The following PPP2R3A variants were observed in gnomAD, a reference collection of about 807,000 sequenced individuals.
PPP2R3A encodes serine/threonine-protein phosphatase 2A regulatory subunit B'' subunit alpha.
In PPP2R3A, 80 loss-of-function variants were observed where a neutral mutation model predicts 106.9. The ratio of observed to expected loss-of-function variants is 0.75; its 90% confidence interval spans 0.62 to 0.90. The LOEUF is 0.90. PPP2R3A is among the 40% of genes least tolerant of loss of function. PPP2R3A has a pLI of 0.00. For missense variants in PPP2R3A, 1,386 were observed against 1,350.4 expected (o/e 1.03, Z -0.41); for synonymous variants, 483 against 468.3 (o/e 1.03, Z -0.41).
intron 1 of PPP2R3A, among the ~76,000 whole-genome samples, chr3:136,000,211 T>C (rs1489722698): frequency 2.0e-5 from 3 of 152,170 alleles, no homozygotes; most frequent in Non-Finnish European, 4.4e-5. Flanking sequence ...CATGCCACCA[T>C]ATGATAAGTT....
intron 1 of PPP2R3A, among the ~76,000 whole-genome samples, chr3:135,992,719 G>A (rs1280716360): frequency 6.6e-6 from 1 of 152,144 alleles, no homozygotes; most frequent in Non-Finnish European, 1.5e-5. Flanking sequence ...TCCCCATGTA[G>A]TTAAATATAC....
chr3:136,042,827 C>G (rs1447314787), intron 4 of PPP2R3A, among the ~76,000 whole-genome samples: 1 of 152,136 alleles, frequency 6.6e-6, no homozygotes, highest in East Asian at 1.9e-4. Context: ...AGTGGAAACT[C>G]CTCTTTGAGC....
intron 13 of PPP2R3A, among the ~76,000 whole-genome samples, chr3:136,140,783 G>T (rs1356367337): frequency 6.6e-6 from 1 of 151,296 alleles, no homozygotes; most frequent in Non-Finnish European, 1.5e-5. Context: ...GGTGGCACAC[G>T]CCTATAATCC....
intron 3 of PPP2R3A, among the ~76,000 whole-genome samples, chr3:136,030,829 C>T (rs1225581772): frequency 2.1e-5 from 3 of 144,264 alleles, no homozygotes; most frequent in African/African-American, 5.1e-5. Context: ...TATGTATACA[C>T]ACACACACAC....
chr3:136,007,532 G>T (rs1559865634), intron 2 of PPP2R3A, among the ~76,000 whole-genome samples: 1 of 152,190 alleles, frequency 6.6e-6, no homozygotes, highest in Non-Finnish European at 1.5e-5. Context: ...ACCCTAGGAA[G>T]GGTCTGGTCA....
At chr3:136,023,130 C>T (rs1459860803) in intron 2 of PPP2R3A, 1 of 1,613,476 alleles carries the variant, frequency 6.2e-7, no homozygotes, top group Non-Finnish European at 8.5e-7. Context: ...GCTAGCTTTC[C>T]TGGCAAGGGG....
chr3:135,988,145 C>T (rs116090565), intron 1 of PPP2R3A, among the ~76,000 whole-genome samples: 3,143 of 152,006 alleles, frequency 0.021, 116 homozygotes, highest in African/African-American at 0.071. Flanking sequence ...CCTGAACTAC[C>T]GATTCTCCTT....
chr3:136,010,330 C>A (rs1934011744), intron 2 of PPP2R3A, among the ~76,000 whole-genome samples: 2 of 143,950 alleles, frequency 1.4e-5, no homozygotes, highest in Admixed American at 1.4e-4. Context: ...GTGATCTTGG[C>A]TCACTGTAAC....
At chr3:136,121,702 TAATA>T (rs1255202218) in intron 13 of PPP2R3A, among the ~76,000 whole-genome samples, 1 of 152,202 alleles carries the variant, frequency 6.6e-6, no homozygotes, top group Non-Finnish European at 1.5e-5. Context: ...GAGATTATAT[TAATA>T]AATTTTGAAT....
At chr3:136,054,344 C>T (rs540814305) in intron 5 of PPP2R3A, among the ~76,000 whole-genome samples, 2 of 150,668 alleles carry the variant, frequency 1.3e-5, no homozygotes, top group South Asian at 2.1e-4. Flanking sequence ...CTGCAACCTC[C>T]GCCTCCCGGG....
At chr3:136,113,600 G>A (rs528573246) in intron 13 of PPP2R3A, among the ~76,000 whole-genome samples, 73 of 152,238 alleles carry the variant, frequency 4.8e-4, no homozygotes, top group South Asian at 1.7e-3. Flanking sequence ...AGACTAGCCT[G>A]GTCAACATGG....
intron 13 of PPP2R3A, among the ~76,000 whole-genome samples, chr3:136,135,932 G>A (rs1263182323): frequency 6.6e-6 from 1 of 151,252 alleles, no homozygotes; most frequent in Non-Finnish European, 1.5e-5. Context: ...CAGCTACTTG[G>A]GAGGCTGGGG....
intron 4 of PPP2R3A, among the ~76,000 whole-genome samples, chr3:136,047,497 A>G (rs9842864): frequency 0.23 from 35,214 of 152,222 alleles, 4,883 homozygotes; most frequent in Non-Finnish European, 0.32. Flanking sequence ...TTGTAGCAAC[A>G]TGGATGCAGC....
At chr3:135,972,459 A>G (rs535018800) in intron 1 of PPP2R3A, among the ~76,000 whole-genome samples, 2 of 152,260 alleles carry the variant, frequency 1.3e-5, no homozygotes, top group South Asian at 4.1e-4. Flanking sequence ...CCTGTTTTCA[A>G]TTCTTTTGTG....
Position 136,102,049 on chromosome 3 carries a change from T to C in PPP2R3A, c.2970T>C (p.Gly990=). 6.2e-7 allele frequency: 1 copy of C among 1,614,082 alleles called. No individual in the cohort carries two copies. Among genetic ancestry groups the C allele is most frequent in the South Asian group, 1.1e-5 (1 of 91,068 alleles). Residue 990 remains glycine (G), a synonymous_variant, in exon 11 of 14, where the codon GGT becomes GGC. Transcript: ENST00000264977. Reference sequence around the variant, plus strand: ...GCTGCATGGATGTGGATGGAGACGGTGTACTCTCCATGTATGAGCTGGAGT... The same window carrying C: ...GCTGCATGGATGTGGATGGAGACGGCGTACTCTCCATGTATGAGCTGGAGT... ...WFRCMDVDGD[G]VLSMYELEYF... is the part of the protein sequence containing the mutation.
At chr3:136,142,387 C>G (rs1938914478) in intron 13 of PPP2R3A, among the ~76,000 whole-genome samples, 1 of 152,044 alleles carries the variant, frequency 6.6e-6, no homozygotes, top group Non-Finnish European at 1.5e-5. Context: ...GACAAAATCA[C>G]CCTAGTTGAG....
chr3:136,049,470 A>C lies in PPP2R3A; in HGVS notation c.2469+109A>C. On this transcript the variant is annotated intron_variant, in intron 5 of 13. Transcript: ENST00000264977. ...ATTGAGCTACACAGATCTAGATATCAGATTCTAGAAGAGTGGTTTTCAAAC... is the reference window on the plus strand; with the variant it reads ...ATTGAGCTACACAGATCTAGATATCCGATTCTAGAAGAGTGGTTTTCAAAC... 3 of 694,558 alleles carry C rather than the reference A, an allele frequency of 4.3e-6. No individual in the cohort carries two copies. In the South Asian group the frequency reaches 6.2e-5, roughly 14 times the overall value. The allele number at this position is 694,558 out of a possible 1,614,324, so 43.0% of individuals were successfully genotyped here.
chr3:136,013,906 T>G (rs1158577964), intron 2 of PPP2R3A, among the ~76,000 whole-genome samples: 2 of 152,202 alleles, frequency 1.3e-5, no homozygotes, highest in Non-Finnish European at 2.9e-5. Context: ...GGTCATGAAG[T>G]CTTCACCTAA....
chr3:136,006,908 A>G (rs1401335294), intron 2 of PPP2R3A, among the ~76,000 whole-genome samples: 1 of 152,208 alleles, frequency 6.6e-6, no homozygotes, highest in East Asian at 1.9e-4. Flanking sequence ...GAAATTGCAG[A>G]CTGCTCTGCT....
Sources: gnomAD v4.1 joint callset for allele counts (sites outside exome capture counted in the v4.1 genomes callset) on GRCh38, gnomAD v4.1.1 for gene constraint, MANE v1.5 for transcripts, NCBI Gene and HGNC (gene_info 2026-07-23, HGNC 2026-07-21) for gene names.